FUT9: variants seen among roughly 807,000 people sequenced by gnomAD.
FUT9 encodes fucosyltransferase 9, also known as 4-galactosyl-N-acetylglucosaminide 3-alpha-L-fucosyltransferase 9.
FUT9 carries 15 observed loss-of-function variants against 29.7 expected under a neutral mutation model. That is an observed-to-expected ratio of 0.51 (90% CI 0.34 to 0.78). FUT9 has a LOEUF of 0.78. Ranked by LOEUF, FUT9 falls within the 30% of genes least tolerant of loss-of-function variation. FUT9 has a pLI of 0.01. For missense variants in FUT9, 319 were observed against 425.4 expected (o/e 0.75, Z 2.20); for synonymous variants, 169 against 153.7 (o/e 1.10, Z -0.74).
chr6:96,162,267 G>T (rs185417630), intron 2 of FUT9, among the ~76,000 whole-genome samples: 1 of 152,126 alleles, frequency 6.6e-6, no homozygotes, highest in East Asian at 1.9e-4. Context: ...TTTTACTTGA[G>T]ATGTAATCAT....
intron 2 of FUT9, among the ~76,000 whole-genome samples, chr6:96,154,775 A>G (rs1772744650): frequency 6.6e-6 from 1 of 152,258 alleles, no homozygotes. Context: ...TTTTACCAAT[A>G]GTCAAAAATT....
intron 1 of FUT9, among the ~76,000 whole-genome samples, chr6:96,069,249 TGGCGGA>T (rs1054145589): frequency 2.0e-5 from 3 of 151,534 alleles, no homozygotes; most frequent in Admixed American, 1.3e-4. Context: ...GGGACGCTGG[TGGCGGA>T]GGTTGCAGTG....
chr6:96,071,662 A>C (rs1460513836), intron 1 of FUT9, among the ~76,000 whole-genome samples: 2 of 152,206 alleles, frequency 1.3e-5, no homozygotes, highest in African/African-American at 4.8e-5. Context: ...TACATCAACA[A>C]AGGAGCAAGA....
At chr6:96,153,142 A>T (rs1333886216) in intron 2 of FUT9, among the ~76,000 whole-genome samples, 1 of 152,208 alleles carries the variant, frequency 6.6e-6, no homozygotes, top group Non-Finnish European at 1.5e-5. Context: ...GGTACTTACA[A>T]AAAGTATTTA....
chr6:96,170,470 A>G (rs1773091166), intron 2 of FUT9, among the ~76,000 whole-genome samples: 1 of 152,120 alleles, frequency 6.6e-6, no homozygotes, highest in African/African-American at 2.4e-5. Flanking sequence ...TATCAAAATC[A>G]AACTGTCCTT....
intron 2 of FUT9, among the ~76,000 whole-genome samples, chr6:96,171,470 G>A (rs1773111485): frequency 6.6e-6 from 1 of 151,626 alleles, no homozygotes; most frequent in Non-Finnish European, 1.5e-5. Context: ...GGAGTTCCCA[G>A]TAAGGCTTAG....
chr6:96,059,349 C>T (rs1424830943), intron 1 of FUT9, among the ~76,000 whole-genome samples: 2 of 152,158 alleles, frequency 1.3e-5, no homozygotes, highest in African/African-American at 2.4e-5. Context: ...GCTGACTCCA[C>T]GTGAGGTCAG....
chr6:96,130,970 C>T (rs908509571), intron 2 of FUT9, among the ~76,000 whole-genome samples: 1 of 152,218 alleles, frequency 6.6e-6, no homozygotes, highest in Middle Eastern at 3.4e-3. Flanking sequence ...CCATAGTGGT[C>T]GTCCCTGCTT....
intron 2 of FUT9, among the ~76,000 whole-genome samples, chr6:96,143,135 G>T (rs1772496567): frequency 6.6e-6 from 1 of 152,192 alleles, no homozygotes; most frequent in Admixed American, 6.5e-5. Context: ...CAATTAGGTA[G>T]AAGAGGTGAT....
intron 1 of FUT9, among the ~76,000 whole-genome samples, chr6:96,091,563 C>G (rs1000834730): frequency 1.3e-5 from 2 of 151,990 alleles, no homozygotes; most frequent in African/African-American, 4.8e-5. Context: ...GTATTGCAGT[C>G]AGGTAGAGGA....
intron 1 of FUT9, among the ~76,000 whole-genome samples, chr6:96,037,929 A>G (rs1258888723): frequency 2.0e-5 from 3 of 152,100 alleles, no homozygotes; most frequent in Non-Finnish European, 4.4e-5. Context: ...CTGGGCTATG[A>G]TTCTGAAGGT....
intron 2 of FUT9, among the ~76,000 whole-genome samples, chr6:96,152,015 G>A (rs1296206955): frequency 6.6e-6 from 1 of 152,178 alleles, no homozygotes; most frequent in Admixed American, 6.5e-5. Context: ...TCCACCTGAT[G>A]CCAGGGCTTG....
intron 2 of FUT9, among the ~76,000 whole-genome samples, chr6:96,155,527 G>C (rs553761081): frequency 6.6e-6 from 1 of 152,042 alleles, no homozygotes; most frequent in South Asian, 2.1e-4. Flanking sequence ...CAAAAAATTA[G>C]CTGGGCGTGG....
chr6:96,026,710 A>T (rs1230877728), intron 1 of FUT9, among the ~76,000 whole-genome samples: 1 of 151,678 alleles, frequency 6.6e-6, no homozygotes, highest in Non-Finnish European at 1.5e-5. Context: ...CATAATTGTC[A>T]TCTTCTCTAA....
intron 1 of FUT9, among the ~76,000 whole-genome samples, chr6:96,089,643 G>A (rs1771377594): frequency 6.6e-6 from 1 of 152,080 alleles, no homozygotes; most frequent in South Asian, 2.1e-4. Flanking sequence ...GAGTAAGATG[G>A]GGAGCTGAAC....
At chr6:96,185,542 A>T (rs979568637) in intron 2 of FUT9, among the ~76,000 whole-genome samples, 2 of 152,150 alleles carry the variant, frequency 1.3e-5, no homozygotes, top group East Asian at 3.9e-4. Flanking sequence ...CTTCGATTTT[A>T]TTTAAACTCT....
intron 2 of FUT9, among the ~76,000 whole-genome samples, chr6:96,180,682 T>G (rs1454134306): frequency 1.3e-5 from 2 of 152,074 alleles, no homozygotes; most frequent in Non-Finnish European, 2.9e-5. Flanking sequence ...TAAGAACAAC[T>G]TTCTTAGCTT....
intron 2 of FUT9, among the ~76,000 whole-genome samples, chr6:96,115,526 C>T (rs1442028259): frequency 1.3e-5 from 2 of 152,150 alleles, no homozygotes; most frequent in African/African-American, 2.4e-5. Flanking sequence ...ATAACTAAAT[C>T]AAGTGTCAGT....
intron 1 of FUT9, among the ~76,000 whole-genome samples, chr6:96,101,230 G>GA (rs150300423): frequency 2.0e-4 from 30 of 152,030 alleles, no homozygotes; most frequent in African/African-American, 6.0e-4. Context: ...ATGTTTGAGG[G>GA]AAAAAAATAT....
Sources: gnomAD v4.1 joint callset for allele counts (sites outside exome capture counted in the v4.1 genomes callset) on GRCh38, gnomAD v4.1.1 for gene constraint, MANE v1.5 for transcripts, NCBI Gene and HGNC (gene_info 2026-07-23, HGNC 2026-07-21) for gene names.